Variants in P2RX7 observed in about 807,000 individuals in gnomAD.
P2RX7 encodes the protein P2X purinoceptor 7.
P2RX7 carries 62 observed loss-of-function variants against 71.6 expected under a neutral mutation model. The ratio of observed to expected loss-of-function variants is 0.87; its 90% CI spans 0.71 to 1.07. The LOEUF (loss-of-function observed/expected upper bound fraction) is 1.07. Ranked by LOEUF, P2RX7 falls within the 50% of genes least tolerant of loss-of-function variation. P2RX7 has a pLI of 0.00. For missense variants in P2RX7, 686 were observed against 748.5 expected (o/e 0.92, Z 0.97); for synonymous variants, 299 against 283.3 (o/e 1.06, Z -0.56).
intron 9 of P2RX7, 39 bp from the exon 10 acceptor site, chr12:121,177,108 T>A: frequency 1.3e-6 from 2 of 1,585,526 alleles, no homozygotes; most frequent in Admixed American, 1.7e-5. Context: ...AGCGTTGCTC[T>A]GAATTTCACC....
chr12:121,174,924 T>C (rs925330629), intron 8 of P2RX7, among the ~76,000 whole-genome samples: 5 of 151,982 alleles, frequency 3.3e-5, no homozygotes, highest in Admixed American at 2.0e-4. Flanking sequence ...GGGCTTTGGA[T>C]TGTGTTCCTT....
At chr12:121,146,242 T>C (rs1876160940) in intron 1 of P2RX7, among the ~76,000 whole-genome samples, 1 of 148,072 alleles carries the variant, frequency 6.8e-6, no homozygotes, top group Admixed American at 6.8e-5. Context: ...CCCTCTACTG[T>C]CCCAGCCAAG....
At chr12:121,155,999 G>T in intron 2 of P2RX7, 80 bp from the exon 3 acceptor site, 1 of 1,289,414 alleles carries the variant, frequency 7.8e-7, no homozygotes, top group South Asian at 1.2e-5. Flanking sequence ...GGAGAGGTTC[G>T]CCCAGCAAGC....
At chr12:121,147,876 G>A (rs987891214) in intron 1 of P2RX7, among the ~76,000 whole-genome samples, 1 of 151,944 alleles carries the variant, frequency 6.6e-6, no homozygotes, top group African/African-American at 2.4e-5. Context: ...GCCTCCCAGA[G>A]TTCTGGGATT....
At chr12:121,138,070 G>A (rs1183019290) in intron 1 of P2RX7, among the ~76,000 whole-genome samples, 1 of 152,214 alleles carries the variant, frequency 6.6e-6, no homozygotes, top group East Asian at 1.9e-4. Context: ...ATGCTAAGCA[G>A]GTCTGTGTCA....
intron 8 of P2RX7, among the ~76,000 whole-genome samples, chr12:121,168,851 C>T (rs1261966084): frequency 6.6e-6 from 1 of 152,218 alleles, no homozygotes; most frequent in Non-Finnish European, 1.5e-5. Flanking sequence ...TGCACATAAA[C>T]TTCTCTTTGA....
chr12:121,152,326 T>C (rs1877622350), intron 1 of P2RX7, among the ~76,000 whole-genome samples: 1 of 151,714 alleles, frequency 6.6e-6, no homozygotes, highest in South Asian at 2.1e-4. Context: ...TTTTAAAAAA[T>C]TATTTTATTA....
At chr12:121,153,716 G>A (rs1193863465) in intron 1 of P2RX7, among the ~76,000 whole-genome samples, 1 of 151,974 alleles carries the variant, frequency 6.6e-6, no homozygotes, top group African/African-American at 2.4e-5. Flanking sequence ...GGCTGGGTGC[G>A]GTGGCGCATG....
chr12:121,133,784 G>A (rs1006437689), intron 1 of P2RX7, among the ~76,000 whole-genome samples: 2 of 152,068 alleles, frequency 1.3e-5, no homozygotes, highest in Non-Finnish European at 2.9e-5. Flanking sequence ...TGGATTTGCC[G>A]ATTCTGGACA....
rs1172109796 is a variant in P2RX7, at chr12:121,184,705, C to A, written c.1691C>A (p.Ala564Asp). 10 of 1,566,566 alleles carry A rather than the reference C, an allele frequency of 6.4e-6. No individual in the cohort carries two copies. Among genetic ancestry groups the A allele is most frequent in the Non-Finnish European group, 7.8e-6 (9 of 1,155,488 alleles). Residue 564 changes from alanine (A) to aspartate (D), a missense_variant, in exon 13 of 13, where the codon GCT (alanine) becomes GAT (aspartate). Physicochemically the swap from Ala to Asp is moderately radical, Grantham distance 126 (BLOSUM62 -2). Coordinates refer to ENST00000328963, the MANE Select transcript of P2RX7 (RefSeq NM_002562.6). ...TGGCGCTTCGGCTCCCAGGACATGG[C>A]TGACTTTGCCATCCTGCCCAGCTGC... is the stretch of plus-strand genomic sequence containing the variant. The part of the protein sequence containing the change: ...ATWRFGSQDM[A>D]DFAILPSCCR...
At chr12:121,156,898 A>C (rs1878683881) in intron 3 of P2RX7, among the ~76,000 whole-genome samples, 1 of 152,156 alleles carries the variant, frequency 6.6e-6, no homozygotes, top group South Asian at 2.1e-4. Flanking sequence ...TCACACCTAT[A>C]ATCTCAGCAC....
At chr12:121,181,349 A>G (rs1032744513) in intron 12 of P2RX7, among the ~76,000 whole-genome samples, 2 of 152,202 alleles carry the variant, frequency 1.3e-5, no homozygotes, top group African/African-American at 4.8e-5. Context: ...GCTAATGCCA[A>G]TAACGCTGCT....
intron 11 of P2RX7, among the ~76,000 whole-genome samples, chr12:121,178,186 G>A (rs995206242): frequency 3.9e-5 from 6 of 152,064 alleles, no homozygotes; most frequent in Non-Finnish European, 7.4e-5. Context: ...ATGAGTACCC[G>A]CAGTACATGA....
intron 1 of P2RX7, among the ~76,000 whole-genome samples, chr12:121,135,437 T>C (rs1022915820): frequency 3.9e-5 from 6 of 152,186 alleles, no homozygotes; most frequent in African/African-American, 1.4e-4. Flanking sequence ...GCTCTGACCC[T>C]CAAAGTAACC....
rs946582965 is a variant in P2RX7 at position 121,132,882 on chromosome 12, T to G, written c.-89T>G. The G allele has an allele frequency of 1.3e-5, 19 of 1,487,110 alleles. No individual in the cohort carries two copies. The African/African-American group carries it at 2.3e-4, about 18-fold the overall frequency. The allele number at this position is 1,487,110 out of a possible 1,614,324, so 92.1% of individuals were successfully genotyped here. A position where few individuals can be genotyped will look rare whatever the true frequency, so the allele number is the denominator to read the frequency against. On this transcript the variant is annotated 5_prime_UTR_variant, in exon 1 of 13. It adds an upstream start codon to the 5' untranslated region. Transcript: ENST00000328963. ...CCTGCTAAAAACCAGTACGTTTCAT[T>G]TTGCAGTTACTGGGAGGGGGCTTGC...
chr12:121,165,823 C>A (rs189540547), intron 6 of P2RX7, among the ~76,000 whole-genome samples: 26 of 152,324 alleles, frequency 1.7e-4, no homozygotes, highest in African/African-American at 6.3e-4. Flanking sequence ...AGAGTATAAC[C>A]AAGATGGAAG....
In P2RX7 at chr12:121,139,081, A is replaced by G. The variant is rs541923231; in HGVS notation, c.125+5986A>G. 1.1e-3 allele frequency among the ~76,000 whole-genome samples: 162 copies of G among 152,084 alleles called. 1 individual carries two copies. The highest frequency in any genetic ancestry group is 3.7e-3 in the African/African-American group (154 of 41,490). Reference sequence around the variant, plus strand: ...CTCAGCCTCCCCAGTAGCTGGGACTATTGGTGCATGCCACTACACCCGGCT... The same window carrying G: ...CTCAGCCTCCCCAGTAGCTGGGACTGTTGGTGCATGCCACTACACCCGGCT... On this transcript the variant is annotated intron_variant, in intron 1 of 12. Transcript: ENST00000328963.
rs555813514 is a variant in P2RX7 at position 121,178,292 on chromosome 12, T to C, written c.1188+846T>C. Reference sequence around the variant, plus strand: ...AGCATCTAACCAAATATCCAACAGGTGAATGGTGAAACTATGGTAAATCCA... The same window carrying C: ...AGCATCTAACCAAATATCCAACAGGCGAATGGTGAAACTATGGTAAATCCA... On this transcript the variant is annotated intron_variant, in intron 11 of 12. Coordinates refer to ENST00000328963, the MANE Select transcript of P2RX7 (RefSeq NM_002562.6). Among the ~76,000 whole-genome samples the C allele has an allele frequency of 2.0e-5, 3 of 152,146 alleles. No homozygotes were observed. The South Asian group carries it at 6.2e-4, about 32-fold the overall frequency.
At chr12:121,151,774 A>C (rs1303637110) in intron 1 of P2RX7, among the ~76,000 whole-genome samples, 2 of 150,942 alleles carry the variant, frequency 1.3e-5, no homozygotes, top group Non-Finnish European at 3.0e-5. Flanking sequence ...CCCAGGAGTC[A>C]CTCCCCATTT....
Sources: allele counts gnomAD v4.1 joint callset (sites outside exome capture counted in the v4.1 genomes callset), GRCh38; gene constraint gnomAD v4.1.1; transcripts MANE v1.5; gene names NCBI Gene and HGNC (gene_info 2026-07-23, HGNC 2026-07-21).